PLEKHA5: variants seen among roughly 807,000 people sequenced by gnomAD.
The protein encoded by PLEKHA5 is pleckstrin homology domain-containing family A member 5.
A neutral mutation model predicts 181.9 loss-of-function variants in PLEKHA5; 55 were observed. That is an observed-to-expected ratio of 0.30 (90% CI 0.24 to 0.38). The LOEUF (loss-of-function observed/expected upper bound fraction) is 0.38, where lower values mean the gene tolerates loss of function less well. Among genes scored for constraint, PLEKHA5 ranks in the 10% least tolerant of loss-of-function variants. PLEKHA5 has a pLI of 1.00. For missense variants in PLEKHA5, 1,432 were observed against 1,549.5 expected (o/e 0.92, Z 1.27); for synonymous variants, 535 against 529.4 (o/e 1.01, Z -0.15).
At chr12:19,369,668 C>G in intron 30 of PLEKHA5, 25 bp from the exon 31 acceptor site, 1 of 1,421,086 alleles carries the variant, frequency 7.0e-7, no homozygotes, top group African/African-American at 1.4e-5. Flanking sequence ...TTTTTATCTT[C>G]TCCCATTTTC....
chr12:19,336,229 A>G (rs1358854476), intron 20 of PLEKHA5, among the ~76,000 whole-genome samples: 1 of 152,234 alleles, frequency 6.6e-6, no homozygotes, highest in Non-Finnish European at 1.5e-5. Context: ...CTAAAATACA[A>G]ACTATTTCCA....
At chr12:19,313,832 A>C (rs911287600) in intron 15 of PLEKHA5, among the ~76,000 whole-genome samples, 7 of 152,132 alleles carry the variant, frequency 4.6e-5, no homozygotes, top group Non-Finnish European at 1.0e-4. Context: ...GTCTAGAAAA[A>C]GAGTTTTAAG....
intron 3 of PLEKHA5, among the ~76,000 whole-genome samples, chr12:19,141,447 GTTCA>G (rs1332374554): frequency 1.3e-5 from 2 of 152,162 alleles, no homozygotes; most frequent in Admixed American, 6.5e-5. Context: ...GGAAGGCCCA[GTTCA>G]TCATTGGAAG....
chr12:19,327,728 T>A (rs939897635), intron 20 of PLEKHA5, among the ~76,000 whole-genome samples: 11 of 150,286 alleles, frequency 7.3e-5, no homozygotes, highest in African/African-American at 2.7e-4. Context: ...CACTGCAACC[T>A]CCACCTTCCA....
intron 24 of PLEKHA5, among the ~76,000 whole-genome samples, chr12:19,347,565 G>A (rs2094399313): frequency 6.6e-6 from 1 of 152,088 alleles, no homozygotes; most frequent in Admixed American, 6.6e-5. Flanking sequence ...TAAAGGGGCT[G>A]GGATGTGGAC....
intron 30 of PLEKHA5, 25 bp from the exon 31 acceptor site, chr12:19,369,668 C>T: frequency 7.0e-7 from 1 of 1,421,086 alleles, no homozygotes; most frequent in Non-Finnish European, 9.8e-7. Context: ...TTTTTATCTT[C>T]TCCCATTTTC....
chr12:19,164,952 C>T (rs2043949975), intron 3 of PLEKHA5, among the ~76,000 whole-genome samples: 1 of 152,082 alleles, frequency 6.6e-6, no homozygotes, highest in East Asian at 1.9e-4. Context: ...CCCACCTCAA[C>T]TCCTCTGTTT....
At chr12:19,197,111 C>A (rs2052989611) in intron 3 of PLEKHA5, among the ~76,000 whole-genome samples, 1 of 152,078 alleles carries the variant, frequency 6.6e-6, no homozygotes, top group Non-Finnish European at 1.5e-5. Context: ...ACACTAGGGA[C>A]CTCTCTGTTC....
intron 7 of PLEKHA5, among the ~76,000 whole-genome samples, chr12:19,263,443 T>C (rs537958063): frequency 1.2e-4 from 18 of 152,318 alleles, no homozygotes; most frequent in South Asian, 2.1e-4. Context: ...CACTCAGATA[T>C]CCTCTTCACT....
intron 25 of PLEKHA5, among the ~76,000 whole-genome samples, chr12:19,351,710 A>G (rs1429754576): frequency 6.6e-6 from 1 of 152,198 alleles, no homozygotes; most frequent in Non-Finnish European, 1.5e-5. Context: ...AAAAAAATAC[A>G]TTGTTAGAAA....
intron 3 of PLEKHA5, among the ~76,000 whole-genome samples, chr12:19,132,944 A>G (rs1591759701): frequency 1.0e-5 from 1 of 97,052 alleles, no homozygotes; most frequent in South Asian, 3.3e-4. Flanking sequence ...TTTTTTTTTT[A>G]GTGAACCTTG....
intron 3 of PLEKHA5, among the ~76,000 whole-genome samples, chr12:19,140,451 G>C (rs924522394): frequency 1.3e-5 from 2 of 152,122 alleles, no homozygotes; most frequent in Non-Finnish European, 2.9e-5. Context: ...GCCACTGGGG[G>C]AACATCTTGG....
At chr12:19,354,299 C>T (rs1269376069) in intron 26 of PLEKHA5, among the ~76,000 whole-genome samples, 1 of 147,714 alleles carries the variant, frequency 6.8e-6, no homozygotes, top group African/African-American at 2.5e-5. Flanking sequence ...CTACAGGCGC[C>T]CGCCACCACG....
intron 20 of PLEKHA5, among the ~76,000 whole-genome samples, chr12:19,322,887 C>T (rs2091216503): frequency 6.6e-6 from 1 of 152,118 alleles, no homozygotes; most frequent in Non-Finnish European, 1.5e-5. Flanking sequence ...AGGTCTCACT[C>T]TGTCACCCAG....
At chr12:19,154,136 G>A (rs2041116808) in intron 3 of PLEKHA5, 1 of 152,078 alleles carries the variant, frequency 6.6e-6, no homozygotes. Context: ...TCCACCTCCG[G>A]TAGTACTTGT....
At chr12:19,309,287 AT>A (rs1321263090) in intron 15 of PLEKHA5, among the ~76,000 whole-genome samples, 2 of 151,736 alleles carry the variant, frequency 1.3e-5, no homozygotes, top group African/African-American at 4.8e-5. Context: ...ATGTTTGGGA[AT>A]TTTTTTTCCT....
rs138977948 is a variant in PLEKHA5, at chr12:19,285,469, G to T, written c.1779+1724G>T. ...CTATCCTATCCTCTTCCTTGATCTAGATCAGTGGTTCTTAAAGTGTAGTTC... is the reference window on the plus strand; with the variant it reads ...CTATCCTATCCTCTTCCTTGATCTATATCAGTGGTTCTTAAAGTGTAGTTC... On this transcript the variant is annotated intron_variant, in intron 12 of 31. Coordinates refer to ENST00000429027, the MANE Select transcript of PLEKHA5 (RefSeq NM_001256470.2). Among the ~76,000 whole-genome samples the T allele has an allele frequency of 7.9e-5, 12 of 152,296 alleles. No individual in the cohort carries two copies. In the East Asian group the frequency reaches 2.1e-3, roughly 27 times the overall value.
At position 19,299,738 on chromosome 12, in the gene PLEKHA5, C is replaced by T. The variant is rs182344901; in HGVS notation, c.2037+8041C>T. On this transcript the variant is annotated intron_variant, in intron 15 of 31. Transcript: ENST00000429027. ...ACAGTAAGAGGAGCTTGTAAGCCCT[C>T]GGTAAATGGGAAGTCTGTGACTGCT... is the stretch of plus-strand genomic sequence containing the variant. Among the ~76,000 whole-genome samples the T allele has an allele frequency of 9.9e-5, 15 of 152,192 alleles. No homozygotes were observed. The East Asian group carries it at 2.5e-3, about 25-fold the overall frequency.
chr12:19,312,666 G>T (rs2152993066), intron 15 of PLEKHA5, among the ~76,000 whole-genome samples: 1 of 152,316 alleles, frequency 6.6e-6, no homozygotes, highest in Middle Eastern at 3.4e-3. Context: ...TGGCTTAAGG[G>T]AATGTTGTGA....
Sources: allele counts gnomAD v4.1 joint callset (sites outside exome capture counted in the v4.1 genomes callset), GRCh38; gene constraint gnomAD v4.1.1; transcripts MANE v1.5; gene names NCBI Gene and HGNC (gene_info 2026-07-23, HGNC 2026-07-21).